The following CSMD1 variants were observed in gnomAD, a reference collection of about 807,000 sequenced individuals.
The protein encoded by CSMD1 is CUB and sushi domain-containing protein 1.
CSMD1 carries 213 observed loss-of-function variants against 417.5 expected under a neutral mutation model. The observed-to-expected ratio is 0.51, with a 90% CI of 0.46 to 0.57. CSMD1 has a LOEUF of 0.57. Ranked by LOEUF, CSMD1 falls within the 20% of genes least tolerant of loss-of-function variation. The probability of loss-of-function intolerance (pLI) is 0.00; values close to 1 mark genes in which losing one functional copy is unlikely to be tolerated. For missense variants in CSMD1, 6,923 were observed against 4,529.7 expected (o/e 1.53, Z -15.17); for synonymous variants, 2,862 against 1,736.8 (o/e 1.65, Z -16.11).
chr8:3,730,034 G>A (rs111850135), intron 6 of CSMD1, among the ~76,000 whole-genome samples: 5 of 146,490 alleles, frequency 3.4e-5, no homozygotes, highest in African/African-American at 5.2e-5. Flanking sequence ...TCGAAGCGCT[G>A]CAAGTGTTTC....
At chr8:4,612,899 A>T (rs1487091714) in intron 2 of CSMD1, among the ~76,000 whole-genome samples, 1 of 152,200 alleles carries the variant, frequency 6.6e-6, no homozygotes, top group Non-Finnish European at 1.5e-5. Context: ...TGCTTTCCTG[A>T]ACATGATAGG....
chr8:4,453,441 G>A (rs572478482), intron 2 of CSMD1, among the ~76,000 whole-genome samples: 1 of 152,222 alleles, frequency 6.6e-6, no homozygotes, highest in African/African-American at 2.4e-5. Context: ...TCACCCGTGT[G>A]TTGGTGCAGC....
At chr8:4,648,804 C>T (rs1256045218) in intron 1 of CSMD1, among the ~76,000 whole-genome samples, 3 of 152,114 alleles carry the variant, frequency 2.0e-5, no homozygotes, top group African/African-American at 7.2e-5. Flanking sequence ...CTGATGCCAC[C>T]CCACCACTTG....
At chr8:3,477,855 C>T (rs567937001) in intron 11 of CSMD1, among the ~76,000 whole-genome samples, 9 of 152,240 alleles carry the variant, frequency 5.9e-5, no homozygotes, top group East Asian at 1.9e-4. Flanking sequence ...TTACAGATTC[C>T]ATGTTTATTT....
At chr8:4,712,791 T>A (rs1192505989) in intron 1 of CSMD1, among the ~76,000 whole-genome samples, 1 of 152,236 alleles carries the variant, frequency 6.6e-6, no homozygotes, top group African/African-American at 2.4e-5. Context: ...CCTGTTGGTT[T>A]CGTGCTGAGG....
chr8:4,317,695 G>T (rs1157037484), intron 3 of CSMD1, among the ~76,000 whole-genome samples: 1 of 152,156 alleles, frequency 6.6e-6, no homozygotes, highest in Non-Finnish European at 1.5e-5. Context: ...ACTTAGAAGT[G>T]AGGTAACATA....
At chr8:3,994,825 T>G (rs1815075316) in intron 5 of CSMD1, among the ~76,000 whole-genome samples, 1 of 152,206 alleles carries the variant, frequency 6.6e-6, no homozygotes, top group Non-Finnish European at 1.5e-5. Flanking sequence ...AAAATAAGGC[T>G]AATCCTATTA....
chr8:3,136,589 G>A (rs1314775890), intron 41 of CSMD1, among the ~76,000 whole-genome samples: 6 of 151,988 alleles, frequency 3.9e-5, no homozygotes, highest in Non-Finnish European at 5.9e-5. Context: ...TTCTGGTAGC[G>A]ACGGAAGAGA....
intron 4 of CSMD1, among the ~76,000 whole-genome samples, chr8:4,018,882 A>G (rs1461205827): frequency 1.3e-5 from 2 of 152,152 alleles, no homozygotes; most frequent in Non-Finnish European, 2.9e-5. Flanking sequence ...CAGAGGGATG[A>G]TGATAATATA....
In CSMD1 at chr8:4,971,272, T is replaced by G. The variant is rs562005444; in HGVS notation, c.85+23060A>C. ...AAAATTATTTTATATAAGCCTCTTA[T>G]AAATGCTCTCAACATGGATTTTCTA... On this transcript the variant is annotated intron_variant, in intron 1 of 69. Coordinates refer to ENST00000635120, the MANE Select transcript of CSMD1 (RefSeq NM_033225.6). 2.0e-5 allele frequency among the ~76,000 whole-genome samples: 3 copies of G among 152,230 alleles called. No individual in the cohort carries two copies. The East Asian group carries it at 5.8e-4, about 29-fold the overall frequency.
At chr8:3,913,129 A>G (rs1404890855) in intron 5 of CSMD1, among the ~76,000 whole-genome samples, 1 of 152,112 alleles carries the variant, frequency 6.6e-6, no homozygotes, top group Non-Finnish European at 1.5e-5. Flanking sequence ...GGGTTTTGGC[A>G]CCTTGAAATT....
At chr8:4,424,135 C>T (rs1160670954) in intron 2 of CSMD1, among the ~76,000 whole-genome samples, 5 of 151,900 alleles carry the variant, frequency 3.3e-5, no homozygotes, top group Non-Finnish European at 7.4e-5. Flanking sequence ...TAGGGCTAGA[C>T]AGAGTTTCTA....
intron 12 of CSMD1, among the ~76,000 whole-genome samples, chr8:3,464,714 T>G (rs1238207562): frequency 1.3e-5 from 2 of 151,958 alleles, no homozygotes; most frequent in African/African-American, 4.8e-5. Context: ...ATATAGAGTT[T>G]GCTTATGAAT....
At chr8:4,268,497 T>C (rs1170053468) in intron 3 of CSMD1, among the ~76,000 whole-genome samples, 2 of 152,182 alleles carry the variant, frequency 1.3e-5, no homozygotes, top group African/African-American at 4.8e-5. Context: ...TATTTTGTAG[T>C]ATTTAGAGAA....
intron 3 of CSMD1, among the ~76,000 whole-genome samples, chr8:4,177,197 A>T (rs1406908812): frequency 2.6e-5 from 4 of 152,314 alleles, no homozygotes; most frequent in Admixed American, 2.6e-4. Flanking sequence ...TCTCCTCAGC[A>T]AATGTAAAAG....
chr8:3,654,873 T>G (rs1585025447), intron 7 of CSMD1, among the ~76,000 whole-genome samples: 1 of 152,120 alleles, frequency 6.6e-6, no homozygotes, highest in African/African-American at 2.4e-5. Context: ...CTGCCAGCTC[T>G]GCAACAGACT....
intron 1 of CSMD1, among the ~76,000 whole-genome samples, chr8:4,676,072 G>C (rs1805664758): frequency 1.3e-5 from 2 of 152,188 alleles, no homozygotes; most frequent in Admixed American, 6.5e-5. Flanking sequence ...AAAGTAGAAA[G>C]AGAAGCGATG....
At chr8:3,735,888 G>C (rs1052928689) in intron 6 of CSMD1, among the ~76,000 whole-genome samples, 19 of 152,058 alleles carry the variant, frequency 1.2e-4, no homozygotes, top group Non-Finnish European at 2.4e-4. Flanking sequence ...ATGACATAGA[G>C]TTATAAATAA....
At chr8:4,116,158 T>C (rs1361274716) in intron 3 of CSMD1, among the ~76,000 whole-genome samples, 3 of 151,726 alleles carry the variant, frequency 2.0e-5, no homozygotes, top group East Asian at 1.9e-4. Flanking sequence ...CGCACCCAGC[T>C]AATTTTTGTA....
Sources: allele counts gnomAD v4.1 joint callset (sites outside exome capture counted in the v4.1 genomes callset), GRCh38; gene constraint gnomAD v4.1.1; transcripts MANE v1.5; gene names NCBI Gene and HGNC (gene_info 2026-07-23, HGNC 2026-07-21).